DTNA: variants seen among roughly 807,000 people sequenced by gnomAD.
DTNA encodes dystrophin-related protein 3.
A neutral mutation model predicts 100.7 loss-of-function variants in DTNA; 43 were observed. The ratio of observed to expected loss-of-function variants is 0.43; its 90% CI spans 0.33 to 0.55. The LOEUF is 0.55. DTNA is among the 20% of genes least tolerant of loss of function. The pLI is 0.04. For missense variants in DTNA, 798 were observed against 953.9 expected, an observed-to-expected ratio of 0.84 and a Z score of 2.15; for synonymous variants, 349 against 347.9, an observed-to-expected ratio of 1.00 and a Z score of -0.04.
chr18:34,530,680 A>G (rs1012355130), intron 1 of DTNA, among the ~76,000 whole-genome samples: 8 of 152,074 alleles, frequency 5.3e-5, no homozygotes, highest in Non-Finnish European at 7.4e-5. Flanking sequence ...TAACCCCTCC[A>G]ACAGTGCTTT....
At chr18:34,766,904 G>A (rs540567930) in intron 3 of DTNA, among the ~76,000 whole-genome samples, 2 of 151,922 alleles carry the variant, frequency 1.3e-5, no homozygotes, top group South Asian at 4.2e-4. Context: ...AAGAAACAAA[G>A]GAACTTGCTC....
intron 1 of DTNA, among the ~76,000 whole-genome samples, chr18:34,746,672 A>G (rs1159992591): frequency 6.6e-6 from 1 of 152,142 alleles, no homozygotes; most frequent in East Asian, 1.9e-4. Context: ...ATCAAGCTCA[A>G]CCTTTGGCAG....
chr18:34,868,688 G>C, intron 17 of DTNA: 1 of 985,204 alleles, frequency 1.0e-6, no homozygotes, highest in Non-Finnish European at 1.2e-6. Flanking sequence ...ATTGTTTCTT[G>C]TTAGAGGTAA....
intron 3 of DTNA, among the ~76,000 whole-genome samples, chr18:34,792,266 A>G (rs2094781661): frequency 6.6e-6 from 1 of 152,182 alleles, no homozygotes; most frequent in South Asian, 2.1e-4. Flanking sequence ...TTCTGTGGTT[A>G]CAGATCCTGC....
intron 1 of DTNA, among the ~76,000 whole-genome samples, chr18:34,541,870 A>C (rs896810865): frequency 6.6e-6 from 1 of 152,038 alleles, no homozygotes; most frequent in Non-Finnish European, 1.5e-5. Flanking sequence ...CCAGAGTAAA[A>C]AAGCTGCAAG....
chr18:34,745,413 G>A (rs552731266), intron 1 of DTNA, among the ~76,000 whole-genome samples: 3 of 152,216 alleles, frequency 2.0e-5, no homozygotes, highest in African/African-American at 7.2e-5. Flanking sequence ...TTAGAATTGG[G>A]GGAGGATCTA....
intron 1 of DTNA, among the ~76,000 whole-genome samples, chr18:34,515,911 C>T (rs2041557362): frequency 6.6e-6 from 1 of 152,062 alleles, no homozygotes; most frequent in East Asian, 1.9e-4. Context: ...TATCATTTAG[C>T]CCCACCCTTT....
intron 1 of DTNA, among the ~76,000 whole-genome samples, chr18:34,620,853 G>A (rs2056350787): frequency 6.6e-6 from 1 of 152,030 alleles, no homozygotes. Context: ...TTTGGGTGGG[G>A]ACACATATCC....
chr18:34,793,885 G>A, intron 3 of DTNA, 152 bp from the exon 4 acceptor site: 1 of 747,586 alleles, frequency 1.3e-6, no homozygotes. Flanking sequence ...TAGAGATAAT[G>A]CACAGCCTAT....
chr18:34,838,290 G>A (rs1171083771), intron 12 of DTNA, 119 bp downstream of exon 12: 10 of 1,100,134 alleles, frequency 9.1e-6, no homozygotes, highest in Non-Finnish European at 1.3e-5. Flanking sequence ...AAGCAGCTCT[G>A]CTTTAACCCA....
At chr18:34,639,439 T>G (rs952808326) in intron 1 of DTNA, among the ~76,000 whole-genome samples, 44 of 152,250 alleles carry the variant, frequency 2.9e-4, no homozygotes, top group Non-Finnish European at 2.8e-4. Context: ...TCTATATGAA[T>G]GGACTGAAAA....
chr18:34,509,341 T>G (rs538090931), intron 1 of DTNA, among the ~76,000 whole-genome samples: 1 of 152,246 alleles, frequency 6.6e-6, no homozygotes, highest in African/African-American at 2.4e-5. Flanking sequence ...ATGTGGTAAT[T>G]AAATCAGCAC....
chr18:34,626,933 TAATGGAAATC>T (rs2057399217), intron 1 of DTNA, among the ~76,000 whole-genome samples: 1 of 152,182 alleles, frequency 6.6e-6, no homozygotes, highest in African/African-American at 2.4e-5. Context: ...GGCATCAAAG[TAATGGAAATC>T]CCCTCCATGT....
rs2149386518 is a variant in DTNA at position 34,816,095 on chromosome 18, C to T, written c.709+81C>T. 4 of 1,424,476 alleles carry T rather than the reference C, an allele frequency of 2.8e-6. No individual in the cohort carries two copies. In the South Asian group the frequency reaches 4.6e-5, roughly 16 times the overall value. The allele number at this position is 1,424,476 out of a possible 1,614,324, so 88.2% of individuals were successfully genotyped here. ...TAGTTCTACAGTTAGTAAGCCCAGG[C>T]TGTTGTTTTAGGGAAGCCTATTTAG... On this transcript the variant is annotated intron_variant, in intron 7 of 22. Transcript: ENST00000444659.
chr18:34,834,968 G>A (rs1335614036), intron 11 of DTNA, among the ~76,000 whole-genome samples: 7 of 152,196 alleles, frequency 4.6e-5, no homozygotes, highest in African/African-American at 7.2e-5. Flanking sequence ...CTGGTGGAAA[G>A]TACTTCAAGT....
chr18:34,849,079 G>T (rs1192027542), intron 14 of DTNA, among the ~76,000 whole-genome samples: 1 of 152,202 alleles, frequency 6.6e-6, no homozygotes, highest in Non-Finnish European at 1.5e-5. Context: ...ATCCGTGACT[G>T]TAACACTGTT....
At chr18:34,593,046 C>G (rs914136534) in intron 1 of DTNA, among the ~76,000 whole-genome samples, 5 of 152,130 alleles carry the variant, frequency 3.3e-5, no homozygotes, top group African/African-American at 1.2e-4. Context: ...TGGTTTCTGG[C>G]AGTGAGTAGG....
intron 4 of DTNA, among the ~76,000 whole-genome samples, chr18:34,800,150 A>G (rs1276308152): frequency 6.6e-6 from 1 of 152,222 alleles, no homozygotes. Context: ...ATTTCTCAAT[A>G]TAAATCTCAA....
chr18:34,699,865 CA>C (rs58134205), intron 1 of DTNA, among the ~76,000 whole-genome samples: 7 of 151,152 alleles, frequency 4.6e-5, no homozygotes, highest in East Asian at 3.9e-4. Flanking sequence ...CAAAACAAAA[CA>C]AAAAAAAACT....
Sources: allele counts gnomAD v4.1 joint callset (sites outside exome capture counted in the v4.1 genomes callset), GRCh38; gene constraint gnomAD v4.1.1; transcripts MANE v1.5; gene names NCBI Gene and HGNC (gene_info 2026-07-23, HGNC 2026-07-21).